Variants in RALGAPA2 observed in about 807,000 individuals in gnomAD.
RALGAPA2 encodes ral GTPase-activating protein subunit alpha-2.
Under a neutral mutation model 230.4 loss-of-function variants are expected in RALGAPA2, and 139 were observed. The ratio of observed to expected loss-of-function variants is 0.60; its 90% CI spans 0.53 to 0.69. The LOEUF is 0.69. Among genes scored for constraint, RALGAPA2 ranks in the 30% least tolerant of loss-of-function variants. RALGAPA2 has a pLI of 0.00. For missense variants in RALGAPA2, 2,163 were observed against 2,276.0 expected, an observed-to-expected ratio of 0.95 and a Z score of 1.01; for synonymous variants, 847 against 837.8, an observed-to-expected ratio of 1.01 and a Z score of -0.19.
chr20:20,567,344 C>A (rs774879069), intron 23 of RALGAPA2, among the ~76,000 whole-genome samples: 1 of 152,158 alleles, frequency 6.6e-6, no homozygotes, highest in African/African-American at 2.4e-5. Flanking sequence ...TGTGAAAAAG[C>A]TGCTTAAGTG....
chr20:20,558,971 T>C (rs1260276214), intron 23 of RALGAPA2, among the ~76,000 whole-genome samples: 1 of 152,176 alleles, frequency 6.6e-6, no homozygotes, highest in Non-Finnish European at 1.5e-5. Flanking sequence ...TGCCAGGATG[T>C]TTCCCAGCCT....
chr20:20,630,898 C>G (rs991080183), intron 9 of RALGAPA2, among the ~76,000 whole-genome samples: 1 of 152,044 alleles, frequency 6.6e-6, no homozygotes, highest in Non-Finnish European at 1.5e-5. Context: ...ACCTATAACT[C>G]CCATTTTCCC....
At chr20:20,542,126 G>C (rs935528579) in intron 24 of RALGAPA2, among the ~76,000 whole-genome samples, 2 of 152,092 alleles carry the variant, frequency 1.3e-5, no homozygotes. Context: ...TAGACAAGCA[G>C]GGAGCCAAAT....
At chr20:20,499,179 G>A (rs1399028306) in intron 35 of RALGAPA2, among the ~76,000 whole-genome samples, 1 of 152,136 alleles carries the variant, frequency 6.6e-6, no homozygotes, top group Non-Finnish European at 1.5e-5. Context: ...GATAAAGAGA[G>A]TTTATCACTA....
At chr20:20,665,597 C>T (rs2067933843) in intron 3 of RALGAPA2, among the ~76,000 whole-genome samples, 1 of 152,184 alleles carries the variant, frequency 6.6e-6, no homozygotes, top group Admixed American at 6.5e-5. Flanking sequence ...AAACTGACTC[C>T]TTTCAACTCA....
In RALGAPA2 at chr20:20,393,182, G is replaced by C; in HGVS notation, c.*107C>G. ...GGTTTAGTGGCTCGGGGCAGAGGCA[G>C]GAGAGGGTGTTCTGTCTCCTCCTCA... is the stretch of plus-strand genomic sequence containing the variant. On this transcript the variant is annotated 3_prime_UTR_variant, in exon 40 of 40. Coordinates refer to ENST00000202677, the MANE Select transcript of RALGAPA2 (RefSeq NM_020343.4). 1.5e-6 allele frequency: 2 copies of C among 1,350,750 alleles called. No individual in the cohort carries two copies. Among genetic ancestry groups the C allele is most frequent in the Non-Finnish European group, 2.0e-6 (2 of 1,014,406 alleles). The allele number at this position is 1,350,750 out of a possible 1,614,324, so 83.7% of individuals were successfully genotyped here. A position where few individuals can be genotyped will look rare whatever the true frequency, so the allele number is the denominator to read the frequency against.
intron 19 of RALGAPA2, among the ~76,000 whole-genome samples, chr20:20,583,894 T>A (rs898552242): frequency 1.3e-5 from 2 of 152,240 alleles, no homozygotes; most frequent in Non-Finnish European, 2.9e-5. Context: ...TTTATGCATC[T>A]ACATCTCTGT....
In RALGAPA2 at chr20:20,707,655, A is replaced by G. The variant is rs115416849; in HGVS notation, c.106+4720T>C. Among the ~76,000 whole-genome samples the G allele has an allele frequency of 8.5e-3, 1,288 of 152,268 alleles. 17 individuals are homozygous for G. The highest frequency in any genetic ancestry group is 0.029 in the African/African-American group (1,224 of 41,558). The stretch of plus-strand genomic sequence containing the variant: ...ATGCTATGTTTTGCTCTGTTTGTAT[A>G]TACAGCATTTGTGAGAGACGGTTCT... On this transcript the variant is annotated intron_variant, in intron 1 of 39. Coordinates refer to ENST00000202677, the MANE Select transcript of RALGAPA2 (RefSeq NM_020343.4).
intron 14 of RALGAPA2, among the ~76,000 whole-genome samples, chr20:20,606,956 C>T (rs1242899635): frequency 6.6e-6 from 1 of 152,190 alleles, no homozygotes; most frequent in Non-Finnish European, 1.5e-5. Context: ...AAATGAGCCA[C>T]AAATGCTTTC....
intron 16 of RALGAPA2, among the ~76,000 whole-genome samples, chr20:20,592,199 T>C (rs2065312542): frequency 6.6e-6 from 1 of 152,200 alleles, no homozygotes; most frequent in Non-Finnish European, 1.5e-5. Flanking sequence ...ATGGTCCATC[T>C]AAAATAAAGA....
chr20:20,496,639 T>C (rs1041272199), intron 35 of RALGAPA2, among the ~76,000 whole-genome samples: 5 of 152,220 alleles, frequency 3.3e-5, no homozygotes, highest in Non-Finnish European at 7.3e-5. Flanking sequence ...AAATTTAACA[T>C]TTTTAGTTTT....
Position 20,524,572 on chromosome 20 carries a change from T to C in RALGAPA2, c.3763-29A>G, listed in dbSNP as rs1439315644. 14 of 1,613,378 alleles carry C rather than the reference T, an allele frequency of 8.7e-6. No individual in the cohort carries two copies. The Admixed American group carries it at 1.8e-4, about 21-fold the overall frequency. ...GAAGAAGAACATGCCCGGTAGCTTA[T>C]GCTGCAGTCTCTTAAACCTCACTAC... On this transcript the variant is annotated intron_variant, in intron 29 of 39. Transcript: ENST00000202677.
chr20:20,428,232 C>T (rs1339044063), intron 37 of RALGAPA2, among the ~76,000 whole-genome samples: 1 of 152,102 alleles, frequency 6.6e-6, no homozygotes, highest in African/African-American at 2.4e-5. Context: ...AGAAACAGCC[C>T]CCAGTGCTGT....
chr20:20,643,725 C>G (rs114745467), intron 4 of RALGAPA2, among the ~76,000 whole-genome samples, 176 bp from the exon 5 acceptor site: 1 of 152,026 alleles, frequency 6.6e-6, no homozygotes. Context: ...GATAAAAGTA[C>G]CTTAAGTATG....
rs1230711291 is a variant in RALGAPA2 at position 20,593,048 on chromosome 20, CCTG to C, written c.2204-1737_2204-1735del. On this transcript the variant is annotated intron_variant, in intron 16 of 39. Transcript: ENST00000202677. ...TTCTCACACCTCACCCTCCTGAGTA[CCTG>C]GGAGTTCTGGTGCACACCACTATAC... Among the ~76,000 whole-genome samples, 6 of 152,254 alleles carry C rather than the reference CCTG, an allele frequency of 3.9e-5. No homozygotes were observed. The East Asian group carries it at 1.2e-3, about 29-fold the overall frequency.
At chr20:20,399,549 G>C (rs993614021) in intron 38 of RALGAPA2, among the ~76,000 whole-genome samples, 4 of 152,216 alleles carry the variant, frequency 2.6e-5, no homozygotes, top group African/African-American at 9.6e-5. Flanking sequence ...TGGCGGCTCA[G>C]ACACAGAGTT....
chr20:20,571,439 TA>T lies in RALGAPA2; in HGVS notation c.3156+18del, dbSNP rs750137449. 78 of 1,600,556 alleles carry T rather than the reference TA, an allele frequency of 4.9e-5. No homozygotes were observed. In the African/African-American group the frequency reaches 9.9e-4, roughly 20 times the overall value. ...ATTTCCAATTAATGGGCAATCACAA[TA>T]AAGGAGTCGCAGAATACCTGATCCT... On this transcript the variant is annotated intron_variant, in intron 23 of 39. Coordinates refer to ENST00000202677, the MANE Select transcript of RALGAPA2 (RefSeq NM_020343.4).
intron 24 of RALGAPA2, among the ~76,000 whole-genome samples, chr20:20,545,710 G>C (rs2063758673): frequency 6.6e-6 from 1 of 152,178 alleles, no homozygotes; most frequent in Non-Finnish European, 1.5e-5. Flanking sequence ...AGCTTATAGA[G>C]CACAAATGGA....
At chr20:20,448,711 GA>G (rs1478277360) in intron 37 of RALGAPA2, among the ~76,000 whole-genome samples, 1 of 151,902 alleles carries the variant, frequency 6.6e-6, no homozygotes, top group Non-Finnish European at 1.5e-5. Flanking sequence ...ATTTCAGAAG[GA>G]AAAACCTCAA....
Sources: gnomAD v4.1 joint callset for allele counts (sites outside exome capture counted in the v4.1 genomes callset) on GRCh38, gnomAD v4.1.1 for gene constraint, MANE v1.5 for transcripts, NCBI Gene and HGNC (gene_info 2026-07-23, HGNC 2026-07-21) for gene names.